TLE1: variants seen among roughly 807,000 people sequenced by gnomAD.
The protein encoded by TLE1 is transducin-like enhancer protein 1.
TLE1 carries 21 observed loss-of-function variants against 89.8 expected under a neutral mutation model. The observed-to-expected ratio is 0.23, with a 90% CI of 0.17 to 0.34. The LOEUF is 0.34. TLE1 is among the 10% of genes least tolerant of loss of function. The pLI, the probability that TLE1 is intolerant of heterozygous loss-of-function variation, is 1.00. For synonymous variants in TLE1, 447 were observed against 407.6 expected (o/e 1.10, Z -1.16); for missense variants, 795 against 1,031.2 (o/e 0.77, Z 3.14).
chr9:81,669,175 A>C (rs1297021828), intron 4 of TLE1, among the ~76,000 whole-genome samples: 2 of 152,244 alleles, frequency 1.3e-5, no homozygotes, highest in African/African-American at 4.8e-5. Context: ...CAGGGAATAA[A>C]GGTCAATGTT....
chr9:81,685,193 C>T (rs1834105018), intron 4 of TLE1, among the ~76,000 whole-genome samples: 1 of 147,644 alleles, frequency 6.8e-6, no homozygotes, highest in Non-Finnish European at 1.5e-5. Flanking sequence ...CTGACTATTG[C>T]TTCATGCAGC....
chr9:81,602,772 T>C (rs1346158693), intron 14 of TLE1, among the ~76,000 whole-genome samples: 1 of 152,082 alleles, frequency 6.6e-6, no homozygotes, highest in Non-Finnish European at 1.5e-5. Flanking sequence ...AACACTCAGC[T>C]AGGACCTTAC....
chr9:81,653,253 T>C (rs915831210), intron 5 of TLE1, among the ~76,000 whole-genome samples: 3 of 152,194 alleles, frequency 2.0e-5, no homozygotes, highest in African/African-American at 7.2e-5. Flanking sequence ...TTCCAACTCC[T>C]AGTCCAATAA....
intron 6 of TLE1, among the ~76,000 whole-genome samples, chr9:81,642,298 T>C (rs1828229925): frequency 6.6e-6 from 1 of 152,218 alleles, no homozygotes; most frequent in Admixed American, 6.5e-5. Flanking sequence ...TTTCAGATTT[T>C]TAAATATTTG....
At chr9:81,593,600 T>G (rs1829837910) in intron 14 of TLE1, among the ~76,000 whole-genome samples, 1 of 152,180 alleles carries the variant, frequency 6.6e-6, no homozygotes, top group Non-Finnish European at 1.5e-5. Flanking sequence ...CAAATGAACA[T>G]AAAATACCTC....
At chr9:81,682,824 G>A (rs987939985) in intron 4 of TLE1, among the ~76,000 whole-genome samples, 1 of 152,070 alleles carries the variant, frequency 6.6e-6, no homozygotes, top group African/African-American at 2.4e-5. Flanking sequence ...GGCAGACAGG[G>A]ATCTATAAAG....
At chr9:81,678,802 T>C (rs1833227810) in intron 4 of TLE1, among the ~76,000 whole-genome samples, 1 of 151,054 alleles carries the variant, frequency 6.6e-6, no homozygotes, top group South Asian at 2.1e-4. Context: ...ATCGAGCCAC[T>C]GCACTCCAGC....
intron 14 of TLE1, chr9:81,600,059 T>G (rs7039820): frequency 0.15 from 108,722 of 728,064 alleles, 9,048 homozygotes; most frequent in South Asian, 0.19. Context: ...GGACCTAACT[T>G]CCTCTATCAA....
At chr9:81,662,904 G>C (rs1174724793) in intron 4 of TLE1, among the ~76,000 whole-genome samples, 1 of 152,090 alleles carries the variant, frequency 6.6e-6, no homozygotes, top group African/African-American at 2.4e-5. Flanking sequence ...CTGGAGTGCA[G>C]TGGCATGATC....
At chr9:81,590,727 G>A in intron 16 of TLE1, 78 bp downstream of exon 16, 1 of 1,556,222 alleles carries the variant, frequency 6.4e-7, no homozygotes, top group Non-Finnish European at 8.7e-7. Flanking sequence ...TGGGCTGCAG[G>A]CAGCCAGAGA....
intron 8 of TLE1, among the ~76,000 whole-genome samples, chr9:81,632,474 C>CTTTTTTT (rs1563998736): frequency 1.4e-5 from 1 of 73,392 alleles, no homozygotes; most frequent in Non-Finnish European, 3.0e-5. Context: ...GTTCAGTATC[C>CTTTTTTT]CTTTTTTTTT....
At chr9:81,673,993 T>C (rs890957145) in intron 4 of TLE1, among the ~76,000 whole-genome samples, 1 of 152,180 alleles carries the variant, frequency 6.6e-6, no homozygotes, top group Non-Finnish European at 1.5e-5. Flanking sequence ...CCCTCTTTCC[T>C]AAACCGAAAG....
intron 4 of TLE1, among the ~76,000 whole-genome samples, chr9:81,656,885 T>C (rs931784681): frequency 2.0e-5 from 3 of 152,232 alleles, no homozygotes; most frequent in Admixed American, 1.3e-4. Context: ...GTGAAACTGC[T>C]GGGTCAAAGT....
intron 9 of TLE1, among the ~76,000 whole-genome samples, chr9:81,618,988 T>C (rs199666246): frequency 2.4e-5 from 2 of 83,938 alleles, no homozygotes; most frequent in African/African-American, 6.6e-5. Flanking sequence ...CAGACAAACC[T>C]AGTACATGCA....
At position 81,689,394 on chromosome 9, in the gene TLE1, CG is replaced by C. The variant is rs1478745035; in HGVS notation, c.-1155del. 1 of 152,534 alleles carries C rather than the reference CG, an allele frequency of 6.6e-6. No individual in the cohort carries two copies. Among genetic ancestry groups the C allele is most frequent in the African/African-American group, 2.4e-5 (1 of 41,426 alleles). 9.4% of individuals were successfully genotyped at this position (152,534 alleles called of 1,614,324 possible). ...ACGACGGAGGTCCGGGCTGGTGGCG[CG>C]GGTCCCGCCCGGCCGTGCGAGGGTG... On this transcript the variant is annotated 5_prime_UTR_variant, in exon 1 of 20. Transcript: ENST00000376499.
At position 81,587,912 on chromosome 9, in the gene TLE1, G is replaced by GTGTGTGTGTGTGTCATCCCGCC. The variant is rs1554716624; in HGVS notation, c.1830-85_1830-84insGGCGGGATGACACACACACACA. On this transcript the variant is annotated intron_variant, in intron 16 of 19. Coordinates refer to ENST00000376499, the MANE Select transcript of TLE1 (RefSeq NM_005077.5). ...TTGTGTTGTTAGTTTTGGACCGTGT[G>GTGTGTGTGTGTGTCATCCCGCC]TGTGTGTGTGTGTGTGTGTGTGTGT... 2.2e-4 allele frequency: 199 copies of GTGTGTGTGTGTGTCATCCCGCC among 911,112 alleles called. 1 individual carries two copies. Among genetic ancestry groups the GTGTGTGTGTGTGTCATCCCGCC allele is most frequent in the Middle Eastern group, 1.2e-3 (5 of 4,084 alleles). The allele number at this position is 911,112 out of a possible 1,614,324, so 56.4% of individuals were successfully genotyped here.
intron 4 of TLE1, among the ~76,000 whole-genome samples, chr9:81,669,909 C>T (rs978264206): frequency 9.2e-5 from 14 of 152,130 alleles, no homozygotes; most frequent in African/African-American, 3.1e-4. Context: ...TTTAGGCCCC[C>T]ACAGTATATC....
chr9:81,584,276 A>G lies in TLE1; in HGVS notation c.2235T>C (p.Cys745=), dbSNP rs1269242805. ...QSKESSSVLS[C]DISVDDKYIV... Reference sequence around the variant, plus strand: ...TGTACTTATCATCCACAGAGATGTCACAGCTAAGCACTGACGAGGACTCTT... The same window carrying G: ...TGTACTTATCATCCACAGAGATGTCGCAGCTAAGCACTGACGAGGACTCTT... Residue 745 remains cysteine (C), a synonymous_variant, in exon 20 of 20, where the codon TGT becomes TGC. Coordinates refer to ENST00000376499, the MANE Select transcript of TLE1 (RefSeq NM_005077.5). 1.2e-6 allele frequency: 2 copies of G among 1,614,150 alleles called. No individual in the cohort carries two copies. Among genetic ancestry groups the G allele is most frequent in the African/African-American group, 2.7e-5 (2 of 75,034 alleles).
chr9:81,634,372 A>G, intron 6 of TLE1, 71 bp from the exon 7 acceptor site: 1 of 1,282,620 alleles, frequency 7.8e-7, no homozygotes, highest in Non-Finnish European at 1.0e-6. Flanking sequence ...ATGGCGATGG[A>G]GGCGGCATCC....
Sources: allele counts gnomAD v4.1 joint callset (sites outside exome capture counted in the v4.1 genomes callset), GRCh38; gene constraint gnomAD v4.1.1; transcripts MANE v1.5; gene names NCBI Gene and HGNC (gene_info 2026-07-23, HGNC 2026-07-21).